The following MNDA variants were observed in gnomAD, a reference collection of about 807,000 sequenced individuals.
MNDA encodes epididymis secretory sperm binding protein.
MNDA carries 43 observed loss-of-function variants against 37.8 expected under a neutral mutation model. The ratio of observed to expected loss-of-function variants is 1.14; its 90% CI spans 0.89 to 1.47. The LOEUF (loss-of-function observed/expected upper bound fraction) is 1.47. Among genes scored for constraint, MNDA ranks in the 40% most tolerant of loss-of-function variants. The probability of loss-of-function intolerance (pLI) is 0.00; values close to 1 mark genes in which losing one functional copy is unlikely to be tolerated. For missense variants in MNDA, 536 were observed against 476.0 expected (o/e 1.13, Z -1.17); for synonymous variants, 181 against 169.0 (o/e 1.07, Z -0.55).
chr1:158,840,962 AATACCT>A (rs1659018742), intron 1 of MNDA, among the ~76,000 whole-genome samples: 1 of 152,186 alleles, frequency 6.6e-6, no homozygotes, highest in Admixed American at 6.5e-5. Context: ...AACCTAAAGG[AATACCT>A]ATAAATTTAA....
chr1:158,834,414 G>A (rs1338630645), intron 1 of MNDA, among the ~76,000 whole-genome samples: 1 of 151,926 alleles, frequency 6.6e-6, no homozygotes, highest in African/African-American at 2.4e-5. Context: ...TGTATTTTTA[G>A]TAGAGAAGGG....
At chr1:158,848,965 T>C (rs1404505675) in intron 6 of MNDA, among the ~76,000 whole-genome samples, 1 of 152,078 alleles carries the variant, frequency 6.6e-6, no homozygotes, top group African/African-American at 2.4e-5. Flanking sequence ...ATTTCAAAAA[T>C]CCATTCAGGA....
intron 1 of MNDA, among the ~76,000 whole-genome samples, chr1:158,839,572 A>AG (rs1658988823): frequency 6.6e-6 from 1 of 152,194 alleles, no homozygotes; most frequent in Non-Finnish European, 1.5e-5. Flanking sequence ...AGCAGTTACT[A>AG]GTCCCTCAAG....
intron 1 of MNDA, among the ~76,000 whole-genome samples, chr1:158,840,080 A>C (rs1658999665): frequency 6.6e-6 from 1 of 152,160 alleles, no homozygotes; most frequent in Admixed American, 6.5e-5. Context: ...TTTTAGAAAG[A>C]CTACTTAATG....
rs1469292386 is a variant in MNDA at position 158,836,513 on chromosome 1, A to G, written c.-21+4956A>G. Among the ~76,000 whole-genome samples the G allele has an allele frequency of 2.0e-5, 3 of 152,004 alleles. No individual in the cohort carries two copies. The East Asian group carries it at 5.8e-4, about 29-fold the overall frequency. On this transcript the variant is annotated intron_variant, in intron 1 of 6. Transcript: ENST00000368141. ...CCATTTCATTTAGGTTATCCCACTT[A>G]TTGATGTATAATTGTTCAAAGTATT...
chr1:158,845,684 T>G lies in MNDA; in HGVS notation c.668T>G (p.Phe223Cys), dbSNP rs756031194. 1.2e-6 allele frequency: 2 copies of G among 1,614,126 alleles called. No individual in the cohort carries two copies. Among genetic ancestry groups the G allele is most frequent in the Non-Finnish European group, 1.7e-6 (2 of 1,180,008 alleles). The change falls in exon 5 of 7, where the codon TTT becomes TGT. Residue 223 changes from phenylalanine to cysteine, a missense_variant. Physicochemically the swap from Phe to Cys is radical, Grantham distance 205 (BLOSUM62 -2). Coordinates refer to ENST00000368141, the MANE Select transcript of MNDA (RefSeq NM_002432.3). The stretch of plus-strand genomic sequence containing the variant: ...GTGGTACTGAAAGCAACAGCGCCAT[T>G]TAAATACGAGTCCCCAGAAAATGGG... Reference protein sequence around the residue: ...TVVVLKATAPFKYESPENGKS... With the variant: ...TVVVLKATAPCKYESPENGKS...
chr1:158,848,093 C>T (rs191793654), intron 6 of MNDA, among the ~76,000 whole-genome samples, 177 bp downstream of exon 6: 1 of 152,290 alleles, frequency 6.6e-6, no homozygotes, highest in East Asian at 1.9e-4. Flanking sequence ...AAGGTAAAGG[C>T]ATTCATACAG....
chr1:158,844,370 G>GT (rs959939869), intron 4 of MNDA, among the ~76,000 whole-genome samples: 6 of 151,412 alleles, frequency 4.0e-5, no homozygotes, highest in African/African-American at 1.5e-4. Context: ...GTCTGTGCAG[G>GT]TAAGTAGCCT....
Position 158,844,060 on chromosome 1 carries a change from G to A in MNDA, c.508G>A (p.Val170Met), listed in dbSNP as rs1558057358. The A allele has an allele frequency of 1.1e-5, 17 of 1,613,768 alleles. No individual in the cohort carries two copies. Among genetic ancestry groups the A allele is most frequent in the Non-Finnish European group, 1.4e-5 (17 of 1,179,858 alleles). ...GPSGASTSAA[V>M]DHPPLPQTSS... ...CTCAGGAGCCAGCACATCTGCAGCT[G>A]TGGATCATCCCCCACTACCCCAGAC... Residue 170 changes from valine to methionine, a missense_variant, in exon 4 of 7, where the codon GTG (valine) becomes ATG (methionine). Val to Met is a conservative substitution (Grantham distance 21, BLOSUM62 1). Coordinates refer to ENST00000368141, the MANE Select transcript of MNDA (RefSeq NM_002432.3).
intron 1 of MNDA, among the ~76,000 whole-genome samples, chr1:158,832,428 G>T (rs181220729): frequency 9.2e-5 from 14 of 151,800 alleles, no homozygotes; most frequent in Non-Finnish European, 2.1e-4. Context: ...GAGAGATGTG[G>T]TGAAATCTCC....
chr1:158,843,437 A>T, intron 3 of MNDA, 22 bp downstream of exon 3: 1 of 1,580,004 alleles, frequency 6.3e-7, no homozygotes, highest in Non-Finnish European at 8.6e-7. Context: ...AAAGAGGAGC[A>T]GGACTGAAGC....
At chr1:158,841,432 T>A (rs1659026173) in intron 1 of MNDA, among the ~76,000 whole-genome samples, 1 of 152,136 alleles carries the variant, frequency 6.6e-6, no homozygotes, top group South Asian at 2.1e-4. Context: ...TAAGACTAGT[T>A]GGAGGTAAAT....
rs1460689094 is a variant in MNDA at position 158,843,307 on chromosome 1, A to G, written c.294A>G (p.Lys98=). The change falls in exon 3 of 7, where the codon AAA becomes AAG. Residue 98 remains lysine (K), a synonymous_variant. Transcript: ENST00000368141. ...KVAKKIKTQE[K]APVKKINQEE... is the part of the protein sequence containing the mutation. ...CTAAGAAAATTAAAACACAAGAAAA[A>G]GCTCCAGTGAAAAAAATAAACCAGG... The G allele has an allele frequency of 1.2e-6, 2 of 1,610,922 alleles. No homozygotes were observed. Among genetic ancestry groups the G allele is most frequent in the Non-Finnish European group, 1.7e-6 (2 of 1,178,854 alleles).
chr1:158,842,543 T>C (rs887986731), intron 2 of MNDA, 125 bp downstream of exon 2: 8 of 1,024,950 alleles, frequency 7.8e-6, no homozygotes, highest in Non-Finnish European at 1.2e-5. Flanking sequence ...CATGGGGATG[T>C]TGGCACCTCA....
At chr1:158,844,258 T>C (rs1659090862) in intron 4 of MNDA, 136 bp downstream of exon 4, 3 of 942,120 alleles carry the variant, frequency 3.2e-6, no homozygotes, top group Admixed American at 3.1e-5. Flanking sequence ...CATATTATGA[T>C]AACTTGTTTA....
chr1:158,845,541 C>G (rs1301587209), intron 4 of MNDA, 46 bp from the exon 5 acceptor site: 1 of 1,557,134 alleles, frequency 6.4e-7, no homozygotes, highest in East Asian at 2.3e-5. Flanking sequence ...CGCCCGGCCT[C>G]CTGCTCAAAG....
Position 158,845,950 on chromosome 1 carries a change from C to T in MNDA, c.934C>T (p.Leu312Phe), listed in dbSNP as rs982072462. 1 of 1,614,134 alleles carries T rather than the reference C, an allele frequency of 6.2e-7. No individual in the cohort carries two copies. Among genetic ancestry groups the T allele is most frequent in the South Asian group, 1.1e-5 (1 of 91,080 alleles). ...AAATAAAACTCCCAAGATCAGTCAACTTTACAAGCAAGCATCTGGAACAAT... is the reference window on the plus strand; with the variant it reads ...AAATAAAACTCCCAAGATCAGTCAATTTTACAAGCAAGCATCTGGAACAAT... ...IANKTPKISQ[L>F]YKQASGTMVY... Residue 312 changes from leucine (L) to phenylalanine (F), a missense_variant, in exon 5 of 7, where the codon CTT becomes TTT. Coordinates refer to ENST00000368141, the MANE Select transcript of MNDA (RefSeq NM_002432.3).
In MNDA at chr1:158,847,876, G is replaced by A. The variant is rs146787746; in HGVS notation, c.1136G>A (p.Arg379His). ...LFCLQLRTVDRKLKLVCGSHS... is the reference protein window; with the variant it reads ...LFCLQLRTVDHKLKLVCGSHS... ...TGCCTTCAACTGAGAACAGTTGACC[G>A]CAAGCTGAAACTGGTGTGTGGAAGT... The change falls in exon 6 of 7, where the codon CGC becomes CAC. Residue 379 changes from arginine (R) to histidine (H), a missense_variant. Physicochemically the swap from Arg to His is conservative, Grantham distance 29. Coordinates refer to ENST00000368141, the MANE Select transcript of MNDA (RefSeq NM_002432.3). 2.3e-4 allele frequency: 371 copies of A among 1,613,898 alleles called. 3 individuals are homozygous for A. In the African/African-American group the frequency reaches 3.9e-3, roughly 17 times the overall value.
intron 1 of MNDA, 77 bp from the exon 2 acceptor site, chr1:158,842,057 C>A: frequency 7.5e-7 from 1 of 1,324,540 alleles, no homozygotes; most frequent in Admixed American, 2.3e-5. Flanking sequence ...CTGGGACACT[C>A]ACTCACAAAA....
Sources: allele counts gnomAD v4.1 joint callset (sites outside exome capture counted in the v4.1 genomes callset), GRCh38; gene constraint gnomAD v4.1.1; transcripts MANE v1.5; gene names NCBI Gene and HGNC (gene_info 2026-07-23, HGNC 2026-07-21).